Variants in CTNND2 observed in about 807,000 individuals in gnomAD.
CTNND2 encodes catenin delta 2.
Under a neutral mutation model 144.4 loss-of-function variants are expected in CTNND2, and 22 were observed. The ratio of observed to expected loss-of-function variants is 0.15; its 90% CI spans 0.11 to 0.22. The LOEUF is 0.22. Ranked by LOEUF, CTNND2 falls within the 10% of genes least tolerant of loss-of-function variation. The pLI is 1.00. For synonymous variants in CTNND2, 751 were observed against 695.6 expected (o/e 1.08, Z -1.25); for missense variants, 1,353 against 1,618.8 (o/e 0.84, Z 2.82).
Position 11,795,651 on chromosome 5 carries a change from G to A in CTNND2, c.38-63379C>T, listed in dbSNP as rs535200527. Reference sequence around the variant, plus strand: ...GAATGTGGACCAGCCCAGACACAGTGGCTGATGGCCCATGATAGCTGAGGA... The same window carrying A: ...GAATGTGGACCAGCCCAGACACAGTAGCTGATGGCCCATGATAGCTGAGGA... On this transcript the variant is annotated intron_variant, in intron 1 of 21. Coordinates refer to ENST00000304623, the MANE Select transcript of CTNND2 (RefSeq NM_001332.4). 9.8e-5 allele frequency among the ~76,000 whole-genome samples: 15 copies of A among 152,286 alleles called. 1 individual carries two copies. The highest frequency in any genetic ancestry group is 3.4e-4 in the African/African-American group (14 of 41,560).
intron 1 of CTNND2, among the ~76,000 whole-genome samples, chr5:11,813,708 C>G (rs1335003402): frequency 6.6e-6 from 1 of 152,146 alleles, no homozygotes; most frequent in Admixed American, 6.5e-5. Context: ...GAGACAGGGT[C>G]TCGCTATGTT....
intron 3 of CTNND2, among the ~76,000 whole-genome samples, chr5:11,413,326 A>G (rs1761689577): frequency 1.3e-5 from 2 of 152,202 alleles, no homozygotes; most frequent in African/African-American, 4.8e-5. Flanking sequence ...CCTTTTAAAA[A>G]TTAACAGGTT....
chr5:11,411,641 C>T lies in CTNND2; in HGVS notation c.334G>A (p.Asp112Asn), dbSNP rs1184657741. ...FQWQSQDGQK[D>N]IEDELTTGLE... ...CCTGTTGTAAGCTCATCTTCGATAT[C>T]TTTTTGACCATCTGAAATGAAATAT... The change falls in exon 5 of 22, where the codon GAT becomes AAT. Residue 112 changes from aspartate to asparagine, a missense_variant. Coordinates refer to ENST00000304623, the MANE Select transcript of CTNND2 (RefSeq NM_001332.4). 1 of 1,598,740 alleles carries T rather than the reference C, an allele frequency of 6.3e-7. No individual in the cohort carries two copies.
intron 1 of CTNND2, among the ~76,000 whole-genome samples, chr5:11,771,909 TG>T (rs1435492341): frequency 6.6e-6 from 1 of 152,198 alleles, no homozygotes; most frequent in Non-Finnish European, 1.5e-5. Flanking sequence ...CTGGGTAGGC[TG>T]TTGGATTTAT....
chr5:11,788,123 C>T (rs748330672), intron 1 of CTNND2, among the ~76,000 whole-genome samples: 3 of 152,158 alleles, frequency 2.0e-5, no homozygotes, highest in Non-Finnish European at 4.4e-5. Flanking sequence ...CCAGTTGATG[C>T]TTCTCAGTTT....
intron 9 of CTNND2, among the ~76,000 whole-genome samples, chr5:11,247,562 T>C (rs934703803): frequency 6.6e-6 from 1 of 152,262 alleles, no homozygotes; most frequent in South Asian, 2.1e-4. Flanking sequence ...GATGAGAAAA[T>C]TGGCTATTTC....
In CTNND2 at chr5:11,346,490, G is replaced by C. The variant is rs367641420; in HGVS notation, c.1510C>G (p.Arg504Gly). 8.1e-6 allele frequency: 13 copies of C among 1,605,762 alleles called. No individual in the cohort carries two copies. The Admixed American group carries it at 1.0e-4, about 13-fold the overall frequency. ...ACAGAGGGACAATACTGCAGCTGTCGGTAGGGGTCCGCGTAATTGGAGGCT... is the reference window on the plus strand; with the variant it reads ...ACAGAGGGACAATACTGCAGCTGTCCGTAGGGGTCCGCGTAATTGGAGGCT... ...GPASNYADPY[R>G]QLQYCPSVES... The change falls in exon 9 of 22, where the codon CGA (arginine) becomes GGA (glycine). Residue 504 changes from arginine (R) to glycine (G), a missense_variant. Physicochemically the swap from Arg to Gly is moderately radical, Grantham distance 125. Transcript: ENST00000304623.
intron 16 of CTNND2, among the ~76,000 whole-genome samples, chr5:11,038,723 A>C (rs1744359555): frequency 6.6e-6 from 1 of 152,228 alleles, no homozygotes; most frequent in South Asian, 2.1e-4. Flanking sequence ...CCACAGATAT[A>C]AAAGTGACCA....
chr5:11,532,350 C>G (rs762881750), intron 3 of CTNND2, among the ~76,000 whole-genome samples: 3 of 128,118 alleles, frequency 2.3e-5, no homozygotes, highest in Non-Finnish European at 4.7e-5. Context: ...CCCCAATAAA[C>G]TATTCTCCGT....
chr5:11,719,833 TACACACACACACACACACAC>T (rs36223515), intron 2 of CTNND2, among the ~76,000 whole-genome samples: 26 of 142,112 alleles, frequency 1.8e-4, no homozygotes, highest in East Asian at 4.4e-4. Flanking sequence ...CTCTGACATA[TACACACACACACACACACAC>T]ACACACACAC....
intron 3 of CTNND2, among the ~76,000 whole-genome samples, chr5:11,487,793 T>C (rs1346697515): frequency 6.6e-6 from 1 of 152,202 alleles, no homozygotes; most frequent in Non-Finnish European, 1.5e-5. Flanking sequence ...TCCAACTCCA[T>C]GCGACCTCAT....
intron 9 of CTNND2, among the ~76,000 whole-genome samples, chr5:11,343,621 G>A (rs572138406): frequency 1.3e-5 from 2 of 152,218 alleles, no homozygotes; most frequent in South Asian, 4.2e-4. Context: ...TTCAATATGT[G>A]CTAACAATGT....
chr5:11,453,907 G>T (rs31956), intron 3 of CTNND2, among the ~76,000 whole-genome samples: 7,962 of 152,134 alleles, frequency 0.052, 642 homozygotes, highest in African/African-American at 0.17. Context: ...ATAGAAATGG[G>T]ATTGTTTTAT....
At chr5:11,749,768 G>C (rs1788509515) in intron 1 of CTNND2, among the ~76,000 whole-genome samples, 1 of 151,880 alleles carries the variant, frequency 6.6e-6, no homozygotes, top group African/African-American at 2.4e-5. Context: ...CATAAAATAA[G>C]TATAAAATAA....
intron 1 of CTNND2, among the ~76,000 whole-genome samples, chr5:11,739,858 A>C (rs929388949): frequency 6.6e-6 from 1 of 152,180 alleles, no homozygotes; most frequent in African/African-American, 2.4e-5. Context: ...CAGGATACAA[A>C]ATCACTGTGC....
intron 1 of CTNND2, among the ~76,000 whole-genome samples, chr5:11,828,125 A>G (rs963572013): frequency 2.0e-5 from 3 of 152,258 alleles, no homozygotes; most frequent in Non-Finnish European, 2.9e-5. Flanking sequence ...TTGAATTCCC[A>G]TATGTTGTGG....
intron 9 of CTNND2, among the ~76,000 whole-genome samples, chr5:11,283,577 G>A (rs1166775642): frequency 6.7e-6 from 1 of 148,998 alleles, no homozygotes; most frequent in Non-Finnish European, 1.5e-5. Context: ...GGGAGGCTGA[G>A]GTGGGAGAAT....
intron 1 of CTNND2, among the ~76,000 whole-genome samples, chr5:11,840,135 G>C (rs1295590026): frequency 6.6e-6 from 1 of 152,064 alleles, no homozygotes; most frequent in Non-Finnish European, 1.5e-5. Flanking sequence ...GTGGTCTGCT[G>C]AGTCAAAGAG....
At chr5:11,305,299 A>G (rs1332357855) in intron 9 of CTNND2, among the ~76,000 whole-genome samples, 1 of 152,158 alleles carries the variant, frequency 6.6e-6, no homozygotes, top group African/African-American at 2.4e-5. Flanking sequence ...GCAGAGTCAG[A>G]ATGGGCCTCA....
Sources: allele counts gnomAD v4.1 joint callset (sites outside exome capture counted in the v4.1 genomes callset), GRCh38; gene constraint gnomAD v4.1.1; transcripts MANE v1.5; gene names NCBI Gene and HGNC (gene_info 2026-07-23, HGNC 2026-07-21).